KIF2A: variants seen among roughly 807,000 people sequenced by gnomAD.
KIF2A encodes the protein kinesin family member 2A.
Under a neutral mutation model 100.2 loss-of-function variants are expected in KIF2A, and 22 were observed. The ratio of observed to expected loss-of-function variants is 0.22; its 90% CI spans 0.16 to 0.31. KIF2A has a LOEUF of 0.31. Among genes scored for constraint, KIF2A ranks in the 10% least tolerant of loss-of-function variants. KIF2A has a pLI of 1.00. For synonymous variants in KIF2A, 268 were observed against 285.9 expected (o/e 0.94, Z 0.63); for missense variants, 495 against 898.7 (o/e 0.55, Z 5.74).
intron 16 of KIF2A, among the ~76,000 whole-genome samples, chr5:62,370,366 T>A (rs1741266688): frequency 6.6e-6 from 1 of 152,134 alleles, no homozygotes; most frequent in Non-Finnish European, 1.5e-5. Flanking sequence ...CAATCTCAGC[T>A]CACTGCAGCC....
chr5:62,351,812 CTG>C (rs34385037), intron 4 of KIF2A, among the ~76,000 whole-genome samples: 8,499 of 152,104 alleles, frequency 0.056, 321 homozygotes, highest in East Asian at 0.13. Flanking sequence ...TTTTTACTCT[CTG>C]TATATATTTG....
chr5:62,315,271 A>G (rs868034819), intron 1 of KIF2A, among the ~76,000 whole-genome samples: 34 of 145,938 alleles, frequency 2.3e-4, no homozygotes, highest in Non-Finnish European at 4.2e-4. Flanking sequence ...AAAAAAAAAA[A>G]GCAACCCACC....
chr5:62,383,962 A>G (rs1374414291), intron 20 of KIF2A, among the ~76,000 whole-genome samples: 1 of 152,010 alleles, frequency 6.6e-6, no homozygotes, highest in Non-Finnish European at 1.5e-5. Context: ...TATAAGAAAA[A>G]TTTGGGCCAG....
Position 62,390,462 on chromosome 5 carries a change from A to G in KIF2A, c.*4893A>G, listed in dbSNP as rs540473381. Among the ~76,000 whole-genome samples, 7 of 152,348 alleles carry G rather than the reference A, an allele frequency of 4.6e-5. No homozygotes were observed. The highest frequency in any genetic ancestry group is 1.2e-4 in the African/African-American group (5 of 41,586). ...GCTTAAGATTGATTTAACAACAGCTATTCCCAGTAAGGAAATTTTAAAAAT... is the reference window on the plus strand; with the variant it reads ...GCTTAAGATTGATTTAACAACAGCTGTTCCCAGTAAGGAAATTTTAAAAAT... On this transcript the variant is annotated 3_prime_UTR_variant, in exon 21 of 21. Coordinates refer to ENST00000407818, the MANE Select transcript of KIF2A (RefSeq NM_001098511.3).
chr5:62,347,905 T>G (rs1747658383), intron 2 of KIF2A, 143 bp from the exon 3 acceptor site: 2 of 787,232 alleles, frequency 2.5e-6, no homozygotes, highest in Non-Finnish European at 3.9e-6. Flanking sequence ...ATTACAGGCA[T>G]GAGCCACTGC....
intron 1 of KIF2A, 95 bp downstream of exon 1, chr5:62,306,631 G>A: frequency 9.7e-7 from 1 of 1,028,616 alleles, no homozygotes; most frequent in Non-Finnish European, 1.4e-6. Context: ...TGATTGCTTC[G>A]CCGGGCTGTG....
At chr5:62,369,308 A>G (rs1429270617) in intron 16 of KIF2A, among the ~76,000 whole-genome samples, 1 of 152,204 alleles carries the variant, frequency 6.6e-6, no homozygotes, top group Non-Finnish European at 1.5e-5. Flanking sequence ...CAGAGGCTTC[A>G]GGAAACTTAC....
chr5:62,364,105 G>C (rs537961982), intron 14 of KIF2A, among the ~76,000 whole-genome samples: 1 of 150,838 alleles, frequency 6.6e-6, no homozygotes, highest in African/African-American at 2.4e-5. Context: ...TAAAGGATAT[G>C]TGAGTTAGTA....
intron 1 of KIF2A, among the ~76,000 whole-genome samples, chr5:62,318,865 A>G (rs1196936356): frequency 6.6e-6 from 1 of 152,090 alleles, no homozygotes; most frequent in Non-Finnish European, 1.5e-5. Flanking sequence ...TCTCATAAAC[A>G]CTCAAATTCA....
intron 1 of KIF2A, among the ~76,000 whole-genome samples, chr5:62,330,887 C>T (rs1170614645): frequency 6.6e-6 from 1 of 151,876 alleles, no homozygotes; most frequent in Non-Finnish European, 1.5e-5. Flanking sequence ...TCACCGGTGA[C>T]TACTTTTTAA....
intron 9 of KIF2A, 148 bp downstream of exon 9, chr5:62,358,447 T>C: frequency 1.8e-6 from 1 of 565,244 alleles, no homozygotes; most frequent in Non-Finnish European, 3.1e-6. Context: ...TAATAAATGC[T>C]GTAATGAATA....
chr5:62,309,247 T>TCA (rs1745453676), intron 1 of KIF2A, among the ~76,000 whole-genome samples: 1 of 152,246 alleles, frequency 6.6e-6, no homozygotes, highest in East Asian at 1.9e-4. Context: ...AAGAGCTTTG[T>TCA]GTTCTTACAT....
At chr5:62,308,404 C>T (rs1045167886) in intron 1 of KIF2A, 233 of 1,333,478 alleles carry the variant, frequency 1.7e-4, no homozygotes, top group Non-Finnish European at 2.3e-4. Context: ...GGTATACACC[C>T]AAGGGAGAGG....
intron 1 of KIF2A, among the ~76,000 whole-genome samples, chr5:62,346,484 A>G (rs551251447): frequency 6.6e-6 from 1 of 150,872 alleles, no homozygotes; most frequent in Non-Finnish European, 1.5e-5. Flanking sequence ...TCATGCCGGT[A>G]ATCCCATCAC....
Position 62,388,846 on chromosome 5 carries a change from A to G in KIF2A, c.*3277A>G. 1 of 663,834 alleles carries G rather than the reference A, an allele frequency of 1.5e-6. No homozygotes were observed. Among genetic ancestry groups the G allele is most frequent in the South Asian group, 1.9e-5 (1 of 52,448 alleles). 41.1% of individuals were successfully genotyped at this position (663,834 alleles called of 1,614,324 possible). A position where few individuals can be genotyped will look rare whatever the true frequency, so the allele number is the denominator to read the frequency against. ...AAACTTTGATACTTAGAACTTTCCA[A>G]CTTTAAAATTCAGAATCATAAATGG... On this transcript the variant is annotated 3_prime_UTR_variant, in exon 21 of 21. Transcript: ENST00000407818.
chr5:62,364,419 T>C (rs1439666476), intron 14 of KIF2A, among the ~76,000 whole-genome samples: 1 of 152,192 alleles, frequency 6.6e-6, no homozygotes, highest in Non-Finnish European at 1.5e-5. Flanking sequence ...GTGCTGGGAT[T>C]ACAGGCGTGA....
intron 14 of KIF2A, among the ~76,000 whole-genome samples, chr5:62,364,602 A>C (rs1394063617): frequency 6.6e-6 from 1 of 152,214 alleles, no homozygotes; most frequent in Non-Finnish European, 1.5e-5. Flanking sequence ...GGTTGGAAAG[A>C]CTAAAATAAG....
chr5:62,375,445 G>A (rs1215658281), intron 18 of KIF2A, among the ~76,000 whole-genome samples: 1 of 152,094 alleles, frequency 6.6e-6, no homozygotes, highest in East Asian at 1.9e-4. Flanking sequence ...CTTTATAACT[G>A]ATATTCTGAG....
intron 1 of KIF2A, 117 bp downstream of exon 1, chr5:62,306,653 G>T: frequency 1.3e-6 from 1 of 778,876 alleles, no homozygotes; most frequent in South Asian, 1.8e-5. Context: ...GGGTGGGAAG[G>T]CGGCGGCCGC....
Sources: allele counts gnomAD v4.1 joint callset (sites outside exome capture counted in the v4.1 genomes callset), GRCh38; gene constraint gnomAD v4.1.1; transcripts MANE v1.5; gene names NCBI Gene and HGNC (gene_info 2026-07-23, HGNC 2026-07-21).